Variants in ANKRD30A observed in about 807,000 individuals in gnomAD.
ANKRD30A encodes the protein ankyrin repeat domain 30A, also known as ankyrin repeat domain-containing protein 30A.
Under a neutral mutation model 166.3 loss-of-function variants are expected in ANKRD30A, and 170 were observed. The observed-to-expected ratio is 1.02, with a 90% confidence interval of 0.90 to 1.16. ANKRD30A has a LOEUF of 1.16. Ranked by LOEUF, ANKRD30A falls within the 50% of genes most tolerant of loss-of-function variation. The pLI, the probability that ANKRD30A is intolerant of heterozygous loss-of-function variation, is 0.00. For synonymous variants in ANKRD30A, 564 were observed against 508.9 expected (o/e 1.11, Z -1.46); for missense variants, 1,630 against 1,518.0 (o/e 1.07, Z -1.23).
At chr10:37,264,287 CCATGACAGCAAAAGTGTGTT>C in the ANKRD30A span, among the ~76,000 whole-genome samples, 1 of 152,122 alleles carries the variant, frequency 6.6e-6, no homozygotes, top group Non-Finnish European at 1.5e-5. Flanking sequence ...GAAAGGCCAG[CCATGACAGCAAAAGTGTGTT>C]CATCTTCAGA....
chr10:37,197,214 G>C (rs538383676), intron 27 of ANKRD30A, 67 bp from the exon 28 acceptor site: 1 of 1,589,510 alleles, frequency 6.3e-7, no homozygotes, highest in African/African-American at 1.3e-5. Context: ...ATACTATCAC[G>C]GCATTCATTT....
intron 24 of ANKRD30A, among the ~76,000 whole-genome samples, chr10:37,179,622 C>T (rs1370508348): frequency 2.0e-5 from 3 of 148,016 alleles, no homozygotes; most frequent in African/African-American, 7.4e-5. Context: ...GATGTCAATT[C>T]TACATTCAGC....
intron 8 of ANKRD30A, 22 bp downstream of exon 8, chr10:37,145,078 A>T: frequency 6.6e-7 from 1 of 1,522,516 alleles, no homozygotes; most frequent in African/African-American, 1.4e-5. Context: ...TATTGATGTT[A>T]TTCTCTAAAA....
chr10:37,130,479 G>T (rs1483804502), intron 3 of ANKRD30A, 101 bp downstream of exon 3: 10 of 924,594 alleles, frequency 1.1e-5, no homozygotes, highest in Non-Finnish European at 1.5e-5. Context: ...AACATTCCTT[G>T]AATGAAAATA....
At chr10:37,195,690 C>T (rs899179685) in intron 27 of ANKRD30A, among the ~76,000 whole-genome samples, 7 of 152,140 alleles carry the variant, frequency 4.6e-5, no homozygotes, top group Non-Finnish European at 1.0e-4. Flanking sequence ...GTGAGGAGAT[C>T]GAGACCATCC....
intron 25 of ANKRD30A, among the ~76,000 whole-genome samples, chr10:37,191,790 T>G (rs983459029): frequency 8.6e-5 from 13 of 151,838 alleles, no homozygotes; most frequent in African/African-American, 3.1e-4. Flanking sequence ...GGTCAGGAGA[T>G]CCAGACCATC....
chr10:37,237,025 A>T (rs536491034), downstream of ANKRD30A, among the ~76,000 whole-genome samples: 3 of 152,282 alleles, frequency 2.0e-5, no homozygotes, highest in East Asian at 1.9e-4. Flanking sequence ...TAATTTTAGG[A>T]TTCACAATTT....
the ANKRD30A span, chr10:37,248,069 C>T: frequency 4.5e-6 from 2 of 447,388 alleles, no homozygotes; most frequent in Non-Finnish European, 8.8e-6. Context: ...ACACTGAAGC[C>T]ATGTGAATTG....
intron 31 of ANKRD30A, among the ~76,000 whole-genome samples, chr10:37,204,559 CA>C (rs1200507397): frequency 1.3e-5 from 2 of 152,098 alleles, no homozygotes; most frequent in Non-Finnish European, 2.9e-5. Flanking sequence ...AAGGCATGGG[CA>C]AAGTCTTCAT....
rs17606131 is a variant in ANKRD30A, at chr10:37,153,192, T to C, written c.1708-380T>C. Among the ~76,000 whole-genome samples the C allele has an allele frequency of 2.3e-3, 342 of 148,316 alleles. 1 individual carries two copies. The highest frequency in any genetic ancestry group is 7.8e-3 in the African/African-American group (318 of 40,534). Reference sequence around the variant, plus strand: ...TAAATGTTTAATGCTGTATGTGTCCTGGCAAGTAGCAAATGTGTTGTATTT... The same window carrying C: ...TAAATGTTTAATGCTGTATGTGTCCCGGCAAGTAGCAAATGTGTTGTATTT... On this transcript the variant is annotated intron_variant, in intron 12 of 35. Coordinates refer to ENST00000361713, the MANE Select transcript of ANKRD30A (RefSeq NM_052997.3).
At chr10:37,126,865 T>C (rs1836053081) in intron 1 of ANKRD30A, among the ~76,000 whole-genome samples, 1 of 151,580 alleles carries the variant, frequency 6.6e-6, no homozygotes, top group Non-Finnish European at 1.5e-5. Context: ...CTGGCCAATA[T>C]GGTGAAACGC....
Position 37,136,635 on chromosome 10 carries a change from C to G in ANKRD30A, c.784C>G (p.Arg262Gly). Residue 262 changes from arginine to glycine, a missense_variant, in exon 6 of 36, where the codon CGA becomes GGA. By Grantham distance (125) the Arg-to-Gly change is moderately radical. Around this residue, in one of 4 missense-constraint regions of ANKRD30A, gnomAD observed 904 missense variants for 818.5 expected, o/e 1.10. Coordinates refer to ENST00000361713, the MANE Select transcript of ANKRD30A (RefSeq NM_052997.3). ...HIHEQIMEYIRKLSKNHQNTN... is the reference protein window; with the variant it reads ...HIHEQIMEYIGKLSKNHQNTN... ...TCATGAACAAATTATGGAATATATA[C>G]GAAAATTATCTAAAAATCATCAAAA... 1 of 1,407,442 alleles carries G rather than the reference C, an allele frequency of 7.1e-7. No homozygotes were observed. Among genetic ancestry groups the G allele is most frequent in the Non-Finnish European group, 9.8e-7 (1 of 1,024,962 alleles). 87.2% of individuals were successfully genotyped at this position (1,407,442 alleles called of 1,614,324 possible). A position where few individuals can be genotyped will look rare whatever the true frequency, so the allele number is the denominator to read the frequency against.
At chr10:37,157,825 A>G (rs1186948093) in intron 13 of ANKRD30A, among the ~76,000 whole-genome samples, 1 of 152,230 alleles carries the variant, frequency 6.6e-6, no homozygotes, top group Non-Finnish European at 1.5e-5. Context: ...TTTATTCTAT[A>G]AGTAGATATG....
At chr10:37,253,839 A>G in the ANKRD30A span, among the ~76,000 whole-genome samples, 1 of 151,636 alleles carries the variant, frequency 6.6e-6, no homozygotes, top group African/African-American at 2.4e-5. Context: ...TTTAGTAGAG[A>G]CAGGGTGTCA....
intron 9 of ANKRD30A, among the ~76,000 whole-genome samples, 200 bp downstream of exon 9, chr10:37,147,657 T>G (rs1041150643): frequency 6.6e-6 from 1 of 152,118 alleles, no homozygotes; most frequent in Admixed American, 6.6e-5. Context: ...ACAACCGAAT[T>G]ATTTGTTTGA....
chr10:37,200,017 G>A (rs1442233973), intron 30 of ANKRD30A, among the ~76,000 whole-genome samples: 2 of 152,020 alleles, frequency 1.3e-5, no homozygotes, highest in Non-Finnish European at 1.5e-5. Flanking sequence ...TGGTACAGTG[G>A]AAATAATAAG....
At chr10:37,246,083 C>T in the ANKRD30A span, among the ~76,000 whole-genome samples, 1 of 152,140 alleles carries the variant, frequency 6.6e-6, no homozygotes, top group East Asian at 1.9e-4. Context: ...TCACCAGAGG[C>T]AAGTCATATT....
chr10:37,199,603 A>G (rs114619602), intron 29 of ANKRD30A, 124 bp from the exon 30 acceptor site: 118 of 524,872 alleles, frequency 2.2e-4, no homozygotes, highest in African/African-American at 2.1e-3. Context: ...TAATCAACAA[A>G]AAGAATATAC....
intron 7 of ANKRD30A, among the ~76,000 whole-genome samples, chr10:37,143,836 C>G (rs781637863): frequency 2.0e-5 from 3 of 151,826 alleles, no homozygotes; most frequent in Non-Finnish European, 2.9e-5. Context: ...TTTGCTGGCC[C>G]TTCATATAGA....
Sources: gnomAD v4.1 joint callset for allele counts (sites outside exome capture counted in the v4.1 genomes callset) on GRCh38, gnomAD v4.1.1 for gene constraint, gnomAD v4.1.1 regional missense constraint, MANE v1.5 for transcripts, NCBI Gene and HGNC (gene_info 2026-07-23, HGNC 2026-07-21) for gene names.